TRRAP: variants seen among roughly 807,000 people sequenced by gnomAD.
TRRAP encodes the protein transformation/transcription domain-associated protein.
Under a neutral mutation model 438.8 loss-of-function variants are expected in TRRAP, and 41 were observed. That is an observed-to-expected ratio of 0.09 (90% CI 0.07 to 0.12). The LOEUF (loss-of-function observed/expected upper bound fraction) is 0.12, where lower values mean the gene tolerates loss of function less well. TRRAP is among the 10% of genes least tolerant of loss of function. The pLI is 1.00. For missense variants in TRRAP, 3,122 were observed against 5,055.1 expected, an observed-to-expected ratio of 0.62 and a Z score of 11.60; for synonymous variants, 1,994 against 1,962.9, an observed-to-expected ratio of 1.02 and a Z score of -0.42.
At chr7:98,906,998 T>A (rs1184881269) in intron 13 of TRRAP, among the ~76,000 whole-genome samples, 1 of 151,506 alleles carries the variant, frequency 6.6e-6, no homozygotes, top group African/African-American at 2.4e-5. Flanking sequence ...TATGTCCGTA[T>A]AATCTTTGTT....
intron 18 of TRRAP, among the ~76,000 whole-genome samples, chr7:98,914,442 G>C (rs1554409275): frequency 6.6e-6 from 1 of 152,028 alleles, no homozygotes; most frequent in Admixed American, 6.6e-5. Flanking sequence ...ATTATAATCT[G>C]TGTCCTCATA....
intron 6 of TRRAP, among the ~76,000 whole-genome samples, chr7:98,894,301 T>C (rs1446213228): frequency 6.6e-6 from 1 of 152,184 alleles, no homozygotes; most frequent in Non-Finnish European, 1.5e-5. Flanking sequence ...ATAATCATAG[T>C]ATGTCCTTAA....
chr7:98,967,670 A>G lies in TRRAP; in HGVS notation c.7484A>G (p.Asn2495Ser), dbSNP rs1562964203. The G allele has an allele frequency of 6.2e-7, 1 of 1,613,942 alleles. No individual in the cohort carries two copies. Among genetic ancestry groups the G allele is most frequent in the Non-Finnish European group, 8.5e-7 (1 of 1,180,016 alleles). ...TCGCAGAACTGGGAAGCCATGGGGAACCACTTCTGGATCAAGCAGTGCATT... is the reference window on the plus strand; with the variant it reads ...TCGCAGAACTGGGAAGCCATGGGGAGCCACTTCTGGATCAAGCAGTGCATT... The part of the protein sequence containing the change: ...TCSQNWEAMG[N>S]HFWIKQCIEL... The change falls in exon 51 of 73, where the codon AAC (asparagine) becomes AGC (serine). Residue 2495 changes from asparagine to serine, a missense_variant. Asn to Ser is a conservative substitution (Grantham distance 46). Around this residue, in one of 24 missense-constraint regions of TRRAP, gnomAD observed 992 missense variants for 1,281.2 expected, o/e 0.77. Coordinates refer to ENST00000456197, the MANE Select transcript of TRRAP (RefSeq NM_001375524.1).
intron 41 of TRRAP, among the ~76,000 whole-genome samples, chr7:98,955,531 T>G (rs1167616437): frequency 6.6e-6 from 1 of 152,182 alleles, no homozygotes; most frequent in Non-Finnish European, 1.5e-5. Context: ...TGAGGCTACA[T>G]TTCTGTTGTA....
rs1044270109 is a variant in TRRAP at position 98,958,071 on chromosome 7, C to A, written c.6322C>A (p.Leu2108Ile). ...GCACACAGACACTGTGGTGAACTTC[C>A]TTATCCGCGTGGCCTGTCAGGTACG... ...KQHTDTVVNF[L>I]IRVACQVNDN... The change falls in exon 44 of 73, where the codon CTT (leucine) becomes ATT (isoleucine). Residue 2108 changes from leucine to isoleucine, a missense_variant. Leu to Ile is a conservative substitution (Grantham distance 5). Transcript: ENST00000456197. 1.9e-6 allele frequency: 3 copies of A among 1,614,006 alleles called. No individual in the cohort carries two copies. Among genetic ancestry groups the A allele is most frequent in the Non-Finnish European group, 2.5e-6 (3 of 1,180,002 alleles).
intron 40 of TRRAP, among the ~76,000 whole-genome samples, chr7:98,954,529 C>CA (rs1791500652): frequency 6.6e-6 from 1 of 152,220 alleles, no homozygotes. Context: ...TGCCCTCCCC[C>CA]AGTTGTCTCA....
intron 8 of TRRAP, 130 bp downstream of exon 8, chr7:98,897,996 A>T: frequency 1.4e-6 from 2 of 1,433,286 alleles, no homozygotes; most frequent in Non-Finnish European, 1.9e-6. Context: ...GCAAAGCATC[A>T]CTGGTCCTTC....
chr7:98,921,665 T>G, intron 20 of TRRAP, 88 bp from the exon 21 acceptor site: 1 of 1,557,406 alleles, frequency 6.4e-7, no homozygotes, highest in Non-Finnish European at 8.8e-7. Flanking sequence ...CATGAGCCAC[T>G]ACGCCTGGCC....
chr7:98,933,068 A>G (rs1380274487), intron 26 of TRRAP, among the ~76,000 whole-genome samples, 173 bp from the exon 27 acceptor site: 2 of 151,534 alleles, frequency 1.3e-5, no homozygotes, highest in Non-Finnish European at 1.5e-5. Context: ...AGGAACTAAC[A>G]TCTTACATGC....
At chr7:98,905,107 G>A (rs1796665102) in intron 12 of TRRAP, among the ~76,000 whole-genome samples, 1 of 152,114 alleles carries the variant, frequency 6.6e-6, no homozygotes, top group South Asian at 2.1e-4. Flanking sequence ...TGCTGGAGGT[G>A]TTCCCACCTC....
intron 23 of TRRAP, among the ~76,000 whole-genome samples, chr7:98,929,227 ACCACACCCAGC>A (rs1446713635): frequency 6.6e-6 from 1 of 152,058 alleles, no homozygotes; most frequent in African/African-American, 2.4e-5. Context: ...GGTGTGAGCC[ACCACACCCAGC>A]CCACGCCCAG....
intron 67 of TRRAP, among the ~76,000 whole-genome samples, chr7:99,001,614 G>T (rs1431140204): frequency 1.3e-5 from 2 of 152,158 alleles, no homozygotes; most frequent in African/African-American, 4.8e-5. Context: ...AGTGCAGTGG[G>T]TCTCAGACAC....
rs533388010 is a variant in TRRAP at position 98,924,726 on chromosome 7, G to T, written c.2824-386G>T. ...AAAAAAGGTTCTTCTGGGTGTGGCT[G>T]GGCGCGGTGGCTCATGCCTGTTATC... On this transcript the variant is annotated intron_variant, in intron 21 of 72. Coordinates refer to ENST00000456197, the MANE Select transcript of TRRAP (RefSeq NM_001375524.1). Among the ~76,000 whole-genome samples, 82 of 143,308 alleles carry T rather than the reference G, an allele frequency of 5.7e-4. 1 individual carries two copies. Among genetic ancestry groups the T allele is most frequent in the African/African-American group, 2.1e-3 (82 of 39,652 alleles). The allele number at this position is 143,308 out of a possible 152,430, so 94.0% of individuals were successfully genotyped here. A position where few individuals can be genotyped will look rare whatever the true frequency, so the allele number is the denominator to read the frequency against.
chr7:98,976,427 A>G lies in TRRAP; in HGVS notation c.7960-56A>G. 1 of 1,584,016 alleles carries G rather than the reference A, an allele frequency of 6.3e-7. No individual in the cohort carries two copies. The highest frequency in any genetic ancestry group is 8.6e-7 in the Non-Finnish European group (1 of 1,167,284). Reference sequence around the variant, plus strand: ...AAGGTATTCTTGCATCGAGAGAGACAGCAAGACTTGCCGATTTTTGAATGA... The same window carrying G: ...AAGGTATTCTTGCATCGAGAGAGACGGCAAGACTTGCCGATTTTTGAATGA... On this transcript the variant is annotated intron_variant, in intron 54 of 72. Transcript: ENST00000456197. This position sits in a 1 kb window ranked among gnomAD's most constrained non-coding sequence, Gnocchi z 4.6.
intron 21 of TRRAP, among the ~76,000 whole-genome samples, chr7:98,924,883 A>G (rs1238542495): frequency 2.9e-5 from 4 of 136,470 alleles, no homozygotes; most frequent in Middle Eastern, 5.0e-3. Flanking sequence ...GGGCACCTGT[A>G]GTCCCAGCTA....
intron 2 of TRRAP, 122 bp from the exon 3 acceptor site, chr7:98,881,853 G>T: frequency 4.8e-6 from 5 of 1,048,642 alleles, no homozygotes; most frequent in Non-Finnish European, 6.9e-6. Flanking sequence ...CTTCTATTAG[G>T]CCATGACAGT....
intron 45 of TRRAP, among the ~76,000 whole-genome samples, chr7:98,960,010 C>T (rs1306277102): frequency 6.6e-6 from 1 of 151,744 alleles, no homozygotes; most frequent in African/African-American, 2.4e-5. Flanking sequence ...ATGCTGGCCC[C>T]AACTACACGT....
In TRRAP at chr7:98,931,574, C is replaced by A. The variant is rs1295006765; in HGVS notation, c.3761C>A (p.Ser1254Tyr). ...DLVREVTSPNSTVRKQAMHSL... is the reference protein window; with the variant it reads ...DLVREVTSPNYTVRKQAMHSL... Reference sequence around the variant, plus strand: ...GTTCGAGAAGTCACCTCTCCAAACTCCACTGTGAGGAAGCAGGCCATGCAT... The same window carrying A: ...GTTCGAGAAGTCACCTCTCCAAACTACACTGTGAGGAAGCAGGCCATGCAT... Residue 1254 changes from serine (S) to tyrosine (Y), a missense_variant, in exon 26 of 73, where the codon TCC becomes TAC. Ser to Tyr is a moderately radical substitution (Grantham distance 144). This residue lies in a region of TRRAP where 153 missense variants were observed against 223.0 expected (regional missense o/e 0.69). Transcript: ENST00000456197. The A allele has an allele frequency of 1.9e-6, 3 of 1,614,226 alleles. No homozygotes were observed. Among genetic ancestry groups the A allele is most frequent in the East Asian group, 4.5e-5 (2 of 44,874 alleles).
intron 13 of TRRAP, among the ~76,000 whole-genome samples, chr7:98,906,551 GC>G (rs1796744550): frequency 6.6e-6 from 1 of 152,026 alleles, no homozygotes; most frequent in Non-Finnish European, 1.5e-5. Flanking sequence ...CCCTGCCTCA[GC>G]TGCCCGAGTA....
Sources: allele counts gnomAD v4.1 joint callset (sites outside exome capture counted in the v4.1 genomes callset), GRCh38; gene constraint gnomAD v4.1.1; regional missense constraint gnomAD v4.1.1; non-coding constraint Gnocchi (gnomAD v3.1); transcripts MANE v1.5; gene names NCBI Gene and HGNC (gene_info 2026-07-23, HGNC 2026-07-21).